Variants in POM121 observed in about 807,000 individuals in gnomAD.
POM121 encodes the protein POM121 transmembrane nucleoporin.
Under a neutral mutation model 81.3 loss-of-function variants are expected in POM121, and 32 were observed. The ratio of observed to expected loss-of-function variants is 0.39; its 90% CI spans 0.30 to 0.53. POM121 has a LOEUF of 0.53. Among genes scored for constraint, POM121 ranks in the 20% least tolerant of loss-of-function variants. POM121 has a pLI of 0.66. For synonymous variants in POM121, 514 were observed against 694.2 expected, an observed-to-expected ratio of 0.74 and a Z score of 4.08; for missense variants, 1,138 against 1,614.6, an observed-to-expected ratio of 0.70 and a Z score of 5.06.
intron 5 of POM121, among the ~76,000 whole-genome samples, chr7:72,931,850 C>T (rs528788255): frequency 1.3e-5 from 2 of 152,276 alleles, no homozygotes; most frequent in East Asian, 1.9e-4. Flanking sequence ...GGATTACAGG[C>T]ATGAGCCACC....
upstream of POM121, among the ~76,000 whole-genome samples, chr7:72,923,792 A>T (rs1438364248): frequency 1.3e-5 from 2 of 149,856 alleles, no homozygotes; most frequent in Non-Finnish European, 1.5e-5. Context: ...GTAGAGACGG[A>T]GTTTCACCAT....
At chr7:72,938,866 C>T (rs1554500089) in intron 6 of POM121, among the ~76,000 whole-genome samples, 185 bp downstream of exon 6, 1 of 152,216 alleles carries the variant, frequency 6.6e-6, no homozygotes, top group Non-Finnish European at 1.5e-5. Flanking sequence ...GTCTTGGATA[C>T]TGACTCCAGT....
downstream of POM121, chr7:72,948,512 G>A (rs565734385): frequency 1.4e-5 from 22 of 1,613,296 alleles, no homozygotes; most frequent in Admixed American, 6.7e-5. Flanking sequence ...TGCAAGCACC[G>A]GCTGCAGCTT....
chr7:72,891,543 A>T (rs1359478644), intron 3 of POM121, among the ~76,000 whole-genome samples: 1 of 152,092 alleles, frequency 6.6e-6, no homozygotes, highest in Non-Finnish European at 1.5e-5. Flanking sequence ...AGTAGCTGGG[A>T]TTTCAGGCAC....
At chr7:72,935,358 A>G in intron 5 of POM121, among the ~76,000 whole-genome samples, 1 of 152,156 alleles carries the variant, frequency 6.6e-6, no homozygotes, top group African/African-American at 2.4e-5. Context: ...AACTTATAAT[A>G]GAGACACAGT....
chr7:72,927,298 T>G (rs574274632), intron 3 of POM121, among the ~76,000 whole-genome samples: 2 of 152,368 alleles, frequency 1.3e-5, no homozygotes, highest in East Asian at 1.9e-4. Flanking sequence ...TTTTGTGGTG[T>G]TCAGTTACTT....
chr7:72,896,941 C>T (rs1406180810), intron 3 of POM121, among the ~76,000 whole-genome samples: 11 of 152,358 alleles, frequency 7.2e-5, no homozygotes, highest in South Asian at 6.2e-4. Flanking sequence ...TGTGTCAAGG[C>T]CGGGCGTGGT....
chr7:72,914,382 C>T (rs1161161453), intron 4 of POM121, among the ~76,000 whole-genome samples: 6 of 115,566 alleles, frequency 5.2e-5, no homozygotes, highest in African/African-American at 1.1e-4. Context: ...CACAGAATCC[C>T]GGATGATAAT....
In POM121 at chr7:72,915,388, G is replaced by T. The variant is rs563453479; in HGVS notation, c.-152+1560G>T. Among the ~76,000 whole-genome samples the T allele has an allele frequency of 6.7e-4, 102 of 152,224 alleles. 1 individual carries two copies. The highest frequency in any genetic ancestry group is 5.1e-3 in the Admixed American group (78 of 15,268). ...AGCCAACATGCACTGCTTTTTGTTTGTTTTTGAGACGAGTCTCACTCACCT... is the reference window on the plus strand; with the variant it reads ...AGCCAACATGCACTGCTTTTTGTTTTTTTTTGAGACGAGTCTCACTCACCT... On this transcript the variant is annotated intron_variant, in intron 4 of 15. Coordinates refer to the POM121 transcript ENST00000395270.
chr7:72,938,635 G>T lies in POM121; in HGVS notation c.1321G>T (p.Ala441Ser). 6.2e-7 allele frequency: 1 copy of T among 1,613,880 alleles called. No homozygotes were observed. The highest frequency in any genetic ancestry group is 8.5e-7 in the Non-Finnish European group (1 of 1,179,822). The part of the protein sequence containing the change: ...GPSSSPFSSP[A>S]SSRSQTPERP... Reference sequence around the variant, plus strand: ...CAGTTCATCACCCTTCTCTAGCCCAGCCTCCTCCCGCTCCCAGACACCGGA... The same window carrying T: ...CAGTTCATCACCCTTCTCTAGCCCATCCTCCTCCCGCTCCCAGACACCGGA... Residue 441 changes from alanine (A) to serine (S), a missense_variant, in exon 6 of 13, where the codon GCC becomes TCC. Around this residue, in one of 7 missense-constraint regions of POM121, gnomAD observed 646 missense variants for 633.5 expected, o/e 1.02. Coordinates refer to ENST00000434423, the MANE Select transcript of POM121 (RefSeq NM_001387691.1).
intron 3 of POM121, among the ~76,000 whole-genome samples, chr7:72,910,207 G>A (rs1278370304): frequency 6.6e-6 from 1 of 152,098 alleles, no homozygotes; most frequent in Non-Finnish European, 1.5e-5. Flanking sequence ...ATGAAAACTG[G>A]GTTTGGCCTT....
chr7:72,927,707 A>G (rs1313973813), intron 3 of POM121, among the ~76,000 whole-genome samples: 1 of 146,506 alleles, frequency 6.8e-6, no homozygotes, highest in Non-Finnish European at 1.5e-5. Flanking sequence ...GACTGTCTCC[A>G]AAAAAAAAAA....
chr7:72,928,246 T>C (rs1242110777), intron 3 of POM121, 139 bp from the exon 4 acceptor site: 1 of 1,279,424 alleles, frequency 7.8e-7, no homozygotes, highest in African/African-American at 1.5e-5. Flanking sequence ...AGCTTAGGGA[T>C]TTTAAACAAC....
At chr7:72,948,484 G>C (rs1690563597), downstream of POM121, 3 of 1,613,530 alleles carry the variant, frequency 1.9e-6, no homozygotes, top group Non-Finnish European at 1.7e-6. Flanking sequence ...CGGAGCCTCT[G>C]CTATGTGCAA....
At position 72,943,497 on chromosome 7, in the gene POM121, A is replaced by C. The variant is rs782406104; in HGVS notation, c.3504A>C (p.Thr1168=). 4 of 1,612,264 alleles carry C rather than the reference A, an allele frequency of 2.5e-6. No homozygotes were observed. The highest frequency in any genetic ancestry group is 3.4e-6 in the Non-Finnish European group (4 of 1,179,860). ...CGTTTGCCTTCAACGTGAGCAGCAC[A>C]ACTGAGAGCAAACCTGTGTTTGGAG... ...STPFAFNVSS[T]TESKPVFGGT... Residue 1168 remains threonine, a synonymous_variant, in exon 11 of 13, where the codon ACA becomes ACC. Transcript: ENST00000434423.
At chr7:72,902,211 CTGG>C (rs1415746200) in intron 3 of POM121, among the ~76,000 whole-genome samples, 3 of 149,284 alleles carry the variant, frequency 2.0e-5, no homozygotes, top group East Asian at 3.9e-4. Flanking sequence ...TCAAAATAGT[CTGG>C]TGAATTTTTC....
intron 5 of POM121, among the ~76,000 whole-genome samples, chr7:72,934,814 T>G (rs1325206634): frequency 1.3e-5 from 2 of 152,126 alleles, no homozygotes; most frequent in Non-Finnish European, 2.9e-5. Context: ...GCACCGTCTT[T>G]GTCTAATTTA....
intron 4 of POM121, among the ~76,000 whole-genome samples, chr7:72,928,847 A>G (rs1795735552): frequency 6.6e-6 from 1 of 152,248 alleles, no homozygotes; most frequent in Non-Finnish European, 1.5e-5. Context: ...AAAGTGGCTC[A>G]AAAGTATGTG....
At chr7:72,925,879 G>GT (rs1438260126) in intron 1 of POM121, 114 bp downstream of exon 1, 13 of 1,243,752 alleles carry the variant, frequency 1.0e-5, no homozygotes, top group African/African-American at 4.6e-5. Flanking sequence ...ATTGTGTGTG[G>GT]TTTTGCCCTC....
Sources: gnomAD v4.1 joint callset for allele counts (sites outside exome capture counted in the v4.1 genomes callset) on GRCh38, gnomAD v4.1.1 for gene constraint, gnomAD v4.1.1 regional missense constraint, MANE v1.5 for transcripts, NCBI Gene and HGNC (gene_info 2026-07-23, HGNC 2026-07-21) for gene names.